Variants in GRTP1 observed in about 807,000 individuals in gnomAD.
The protein encoded by GRTP1 is growth hormone regulated TBC protein 1, also known as growth hormone-regulated TBC protein 1.
A neutral mutation model predicts 38.1 loss-of-function variants in GRTP1; 56 were observed. The observed-to-expected ratio is 1.47, with a 90% CI of 1.19 to 1.84. The LOEUF (loss-of-function observed/expected upper bound fraction) is 1.84. Ranked by LOEUF, GRTP1 falls within the 40% of genes most tolerant of loss-of-function variation. The pLI, the probability that GRTP1 is intolerant of heterozygous loss-of-function variation, is 0.00. For missense variants in GRTP1, 506 were observed against 453.9 expected, an observed-to-expected ratio of 1.11 and a Z score of -1.04; for synonymous variants, 217 against 189.5, an observed-to-expected ratio of 1.14 and a Z score of -1.19.
rs547005700 is a variant in GRTP1, at chr13:113,346,250, G to A, written c.466-1291C>T. Among the ~76,000 whole-genome samples, 754 of 101,638 alleles carry A rather than the reference G, an allele frequency of 7.4e-3. 85 individuals carry two copies. Among genetic ancestry groups the A allele is most frequent in the Non-Finnish European group, 0.011 (524 of 46,146 alleles). 66.7% of individuals were successfully genotyped at this position (101,638 alleles called of 152,430 possible). On this transcript the variant is annotated intron_variant, in intron 4 of 7. Coordinates refer to ENST00000375431, the MANE Select transcript of GRTP1 (RefSeq NM_024719.4). ...AGAACAGACCCGGGAGGACCTCTGT[G>A]GCCGAGAGCAGATCCGGGAGGACCT...
At chr13:113,325,273 TC>T in intron 7 of GRTP1, 1 of 1,262,634 alleles carries the variant, frequency 7.9e-7, no homozygotes, top group Non-Finnish European at 1.0e-6. Flanking sequence ...CGTCTTGGCT[TC>T]CTCAGAAGGC....
At chr13:113,363,956 G>T (rs776563510) in intron 1 of GRTP1, 46 bp from the exon 2 acceptor site, 31 of 1,579,782 alleles carry the variant, frequency 2.0e-5, no homozygotes, top group African/African-American at 2.8e-5. Flanking sequence ...AGTTTCCTCT[G>T]GGGGGTCGCG....
chr13:113,338,424 C>T (rs1245694075), intron 5 of GRTP1, among the ~76,000 whole-genome samples: 2 of 152,144 alleles, frequency 1.3e-5, no homozygotes, highest in African/African-American at 4.8e-5. Context: ...ATTGGACCCC[C>T]TCTAAGTGAC....
intron 4 of GRTP1, among the ~76,000 whole-genome samples, chr13:113,346,087 GGAAGAC>G (rs1287444940): frequency 9.8e-4 from 12 of 12,256 alleles, no homozygotes; most frequent in Admixed American, 5.1e-3. Context: ...AGCAGACCTG[GGAAGAC>G]ATCTGTGGCC....
intron 5 of GRTP1, among the ~76,000 whole-genome samples, chr13:113,330,815 G>T (rs1270382634): frequency 0.95 from 2,734 of 2,884 alleles, 1,328 homozygotes; most frequent in Middle Eastern, 1. Flanking sequence ...GGAAACCCAG[G>T]TGTGTGCATG....
intron 7 of GRTP1, 27 bp downstream of exon 7, chr13:113,325,634 G>A (rs552918539): frequency 1.2e-6 from 2 of 1,610,864 alleles, no homozygotes; most frequent in South Asian, 2.2e-5. Context: ...CCTGGGAGGG[G>A]ACTGAGCCAC....
At chr13:113,328,153 C>T (rs576188958) in intron 5 of GRTP1, among the ~76,000 whole-genome samples, 236 of 152,280 alleles carry the variant, frequency 1.5e-3, no homozygotes, top group African/African-American at 5.1e-3. Flanking sequence ...CATCTGGTCT[C>T]GCGCCGCTAT....
At chr13:113,351,067 T>C in intron 3 of GRTP1, 94 bp from the exon 4 acceptor site, 1 of 1,546,698 alleles carries the variant, frequency 6.5e-7, no homozygotes, top group Non-Finnish European at 8.9e-7. Context: ...TGGGTTCCAC[T>C]TGGGACTTAC....
chr13:113,326,147 C>T, intron 5 of GRTP1, 56 bp from the exon 6 acceptor site: 1 of 1,587,184 alleles, frequency 6.3e-7, no homozygotes, highest in Non-Finnish European at 8.5e-7. Flanking sequence ...TCCACAAGCC[C>T]CATTCCCCTC....
chr13:113,336,198 C>T (rs1185409735), intron 5 of GRTP1, among the ~76,000 whole-genome samples: 3 of 152,166 alleles, frequency 2.0e-5, no homozygotes, highest in Non-Finnish European at 2.9e-5. Context: ...TCTATCCTGG[C>T]TGCTGGGAGC....
chr13:113,344,516 C>T (rs1005425306), intron 5 of GRTP1, among the ~76,000 whole-genome samples: 1 of 152,102 alleles, frequency 6.6e-6, no homozygotes, highest in African/African-American at 2.4e-5. Context: ...AAGTTTGAGA[C>T]CAGCCTGACC....
At position 113,349,145 on chromosome 13, in the gene GRTP1, G is replaced by C. The variant is rs904392837; in HGVS notation, c.465+1704C>G. On this transcript the variant is annotated intron_variant, in intron 4 of 7. Transcript: ENST00000375431. This position sits in a 1 kb window ranked among gnomAD's most constrained non-coding sequence, Gnocchi z 5.0. ...CCTGCCTTGACCTCCCAAAGTGCAT[G>C]ATTATAGGCAAGGGCCACCCAGGTG... Among the ~76,000 whole-genome samples, 1 of 151,426 alleles carries C rather than the reference G, an allele frequency of 6.6e-6. No homozygotes were observed. Among genetic ancestry groups the C allele is most frequent in the African/African-American group, 2.4e-5 (1 of 41,208 alleles).
Position 113,342,491 on chromosome 13 carries a change from C to A in GRTP1, c.562+2372G>T, listed in dbSNP as rs930197897. Among the ~76,000 whole-genome samples, 3 of 151,132 alleles carry A rather than the reference C, an allele frequency of 2.0e-5. No homozygotes were observed. Among genetic ancestry groups the A allele is most frequent in the Non-Finnish European group, 2.9e-5 (2 of 67,894 alleles). On this transcript the variant is annotated intron_variant, in intron 5 of 7. Coordinates refer to ENST00000375431, the MANE Select transcript of GRTP1 (RefSeq NM_024719.4). This position sits in a 1 kb window ranked among gnomAD's most constrained non-coding sequence, Gnocchi z 4.5. ...CTGCACTCCAGCCTGGGCGACAGAGCGAGACTCAGTCTCAAAAAAAAAAAA... is the reference window on the plus strand; with the variant it reads ...CTGCACTCCAGCCTGGGCGACAGAGAGAGACTCAGTCTCAAAAAAAAAAAA...
chr13:113,334,041 G>A (rs1566418889), intron 5 of GRTP1, among the ~76,000 whole-genome samples: 1 of 152,068 alleles, frequency 6.6e-6, no homozygotes, highest in Non-Finnish European at 1.5e-5. Context: ...CGCCATACTG[G>A]CCAAGCTGGT....
chr13:113,362,064 G>A (rs1213154098), intron 2 of GRTP1, among the ~76,000 whole-genome samples: 7 of 152,202 alleles, frequency 4.6e-5, no homozygotes, highest in African/African-American at 1.2e-4. Context: ...CAGGAAAATC[G>A]CTTGAACCCA....
chr13:113,339,433 G>A (rs2042997937), intron 5 of GRTP1: 1 of 152,070 alleles, frequency 6.6e-6, no homozygotes, highest in African/African-American at 2.4e-5. Context: ...ACTCCCACAT[G>A]ACACGACTGT....
chr13:113,345,022 A>G, intron 4 of GRTP1, 63 bp from the exon 5 acceptor site: 1 of 1,541,744 alleles, frequency 6.5e-7, no homozygotes, highest in Non-Finnish European at 8.7e-7. Context: ...TGATTCTGCA[A>G]TCATTCGGCT....
In GRTP1 at chr13:113,352,279, TA is replaced by T. The variant is rs1374122378; in HGVS notation, c.341-1307del. 2.6e-3 allele frequency among the ~76,000 whole-genome samples: 324 copies of T among 124,058 alleles called. 3 individuals carry two copies. The highest frequency in any genetic ancestry group is 6.1e-3 in the East Asian group (29 of 4,744). The allele number at this position is 124,058 out of a possible 152,430, so 81.4% of individuals were successfully genotyped here. A position where few individuals can be genotyped will look rare whatever the true frequency, so the allele number is the denominator to read the frequency against. On this transcript the variant is annotated intron_variant, in intron 3 of 7. Coordinates refer to ENST00000375431, the MANE Select transcript of GRTP1 (RefSeq NM_024719.4). Reference sequence around the variant, plus strand: ...TTATATATTTTTATATTTTTATATATATTTATATATATTTATATATATTTTA... The same window carrying T: ...TTATATATTTTTATATTTTTATATATTTTATATATATTTATATATATTTTA...
rs540455245 is a variant in GRTP1 at position 113,350,850 on chromosome 13, T to C, written c.464A>G (p.Gln155Arg). 8.9e-6 allele frequency: 14 copies of C among 1,568,520 alleles called. No individual in the cohort carries two copies. In the African/African-American group the frequency reaches 1.3e-4, roughly 15 times the overall value. The part of the protein sequence containing the change: ...GHHNQGVGYC[Q>R]GMNFIAGYLI... ...GCGTCAGAGGGTCCCGAGGCTCACC[T>C]GGCAGTAGCCCACTCCCTGGTTATG... Residue 155 changes from glutamine (Q) to arginine (R), a missense_variant and splice_region_variant, in exon 4 of 8, where the codon CAG becomes CGG. Coordinates refer to ENST00000375431, the MANE Select transcript of GRTP1 (RefSeq NM_024719.4).
Sources: gnomAD v4.1 joint callset for allele counts (sites outside exome capture counted in the v4.1 genomes callset) on GRCh38, gnomAD v4.1.1 for gene constraint, Gnocchi (gnomAD v3.1) non-coding constraint, MANE v1.5 for transcripts, NCBI Gene and HGNC (gene_info 2026-07-23, HGNC 2026-07-21) for gene names.